TUBB8B: variants seen among roughly 807,000 people sequenced by gnomAD.
TUBB8B encodes the protein tubulin beta 8B, also known as HSA18p11 beta-tubulin 4Q pseudogene.
A neutral mutation model predicts 31.9 loss-of-function variants in TUBB8B; 26 were observed. The ratio of observed to expected loss-of-function variants is 0.81; its 90% CI spans 0.60 to 1.13. The LOEUF (loss-of-function observed/expected upper bound fraction) is 1.13, where lower values mean the gene tolerates loss of function less well. Ranked by LOEUF, TUBB8B falls within the 50% of genes most tolerant of loss-of-function variation. TUBB8B has a pLI of 0.00. For synonymous variants in TUBB8B, 173 were observed against 231.0 expected, an observed-to-expected ratio of 0.75 and a Z score of 2.28; for missense variants, 467 against 586.7, an observed-to-expected ratio of 0.80 and a Z score of 2.11.
the TUBB8B span, among the ~76,000 whole-genome samples, chr18:58,311 T>C: frequency 0.19 from 28,125 of 151,356 alleles, 3,260 homozygotes; most frequent in African/African-American, 0.29. Context: ...CAAGTAAAAA[T>C]AGATTACAAC....
At chr18:64,731 AG>A in the TUBB8B span, among the ~76,000 whole-genome samples, 1 of 152,138 alleles carries the variant, frequency 6.6e-6, no homozygotes, top group Admixed American at 6.6e-5. Flanking sequence ...TCTCAAGAAA[AG>A]GACTGATATT....
chr18:72,196 A>AAAAAAAAAAAAAAAAAAACAACAAC, the TUBB8B span, among the ~76,000 whole-genome samples: 2 of 84,544 alleles, frequency 2.4e-5, no homozygotes, highest in Middle Eastern at 6.6e-3. Context: ...AAAAAAAAAA[A>AAAAAAAAAAAAAAAAAAACAACAAC]AAAGGAAAAA....
the TUBB8B span, among the ~76,000 whole-genome samples, chr18:63,969 C>A: frequency 6.6e-6 from 1 of 151,170 alleles, no homozygotes; most frequent in East Asian, 2.0e-4. Flanking sequence ...ACCCCTAACC[C>A]TAACCCCAAC....
the TUBB8B span, among the ~76,000 whole-genome samples, chr18:57,809 T>C: frequency 5.3e-5 from 8 of 151,838 alleles, no homozygotes; most frequent in East Asian, 1.2e-3. Flanking sequence ...CTAGCTTTTT[T>C]ATACATTATT....
chr18:70,728 G>A, the TUBB8B span, among the ~76,000 whole-genome samples: 4 of 151,476 alleles, frequency 2.6e-5, no homozygotes, highest in African/African-American at 9.7e-5. Context: ...GAGGTGGGGG[G>A]ATCACCTGAG....
At chr18:63,713 CA>C in the TUBB8B span, among the ~76,000 whole-genome samples, 10 of 97,342 alleles carry the variant, frequency 1.0e-4, no homozygotes, top group South Asian at 4.6e-4. Context: ...CTAACCCTAA[CA>C]CTAACCCTAA....
In TUBB8B at chr18:48,987, T is replaced by G; in HGVS notation, c.230A>C (p.His77Pro). The change falls in exon 3 of 4, where the codon CAC becomes CCC. Residue 77 changes from histidine to proline, a missense_variant. Physicochemically the swap from His to Pro is moderately conservative, Grantham distance 77 (BLOSUM62 -2). Coordinates refer to ENST00000308911, the MANE Select transcript of TUBB8B (RefSeq NM_001358689.2). ...GAAGACCTGCCCGAAGGGCCCCGAGTGCACAGAGTCCATGGTGCCCGGCTC... is the reference window on the plus strand; with the variant it reads ...GAAGACCTGCCCGAAGGGCCCCGAGGGCACAGAGTCCATGGTGCCCGGCTC... ...DLEPGTMDSV[H>P]SGPFGQVFRP... 1 of 1,595,774 alleles carries G rather than the reference T, an allele frequency of 6.3e-7. No homozygotes were observed. Among genetic ancestry groups the G allele is most frequent in the Non-Finnish European group, 8.5e-7 (1 of 1,170,452 alleles).
chr18:59,637 G>A, the TUBB8B span, among the ~76,000 whole-genome samples: 27 of 148,486 alleles, frequency 1.8e-4, 1 homozygote, highest in South Asian at 8.5e-4. Flanking sequence ...TCTGCCTCCC[G>A]GGTTCAAGTG....
the TUBB8B span, among the ~76,000 whole-genome samples, chr18:64,041 TTA>T: frequency 2.9e-3 from 406 of 138,302 alleles, 1 homozygote; most frequent in African/African-American, 0.011. Context: ...ACCCTAACCC[TTA>T]ACCCTAAAAC....
intron 3 of TUBB8B, 27 bp downstream of exon 3, chr18:48,913 G>T (rs1258199995): frequency 1.4e-6 from 2 of 1,462,552 alleles, no homozygotes; most frequent in East Asian, 4.6e-5. Flanking sequence ...CTAAGGAGCC[G>T]CACCCCAGTC....
chr18:48,930 C>T lies in TUBB8B; in HGVS notation c.277+10G>A, dbSNP rs758296026. On this transcript the variant is annotated intron_variant, in intron 3 of 3. Transcript: ENST00000308911. ...AAGGAGCCGCACCCCAGTCCTCGCC[C>T]GCAGCTCACCGGAAATGAAGTTGTC... 12 of 1,548,704 alleles carry T rather than the reference C, an allele frequency of 7.7e-6. No individual in the cohort carries two copies. Among genetic ancestry groups the T allele is most frequent in the East Asian group, 4.5e-5 (2 of 44,338 alleles).
At chr18:64,225 T>G in the TUBB8B span, among the ~76,000 whole-genome samples, 2 of 152,124 alleles carry the variant, frequency 1.3e-5, no homozygotes, top group African/African-American at 4.8e-5. Context: ...AGAACAGGTG[T>G]GCATATTCAT....
the TUBB8B span, among the ~76,000 whole-genome samples, chr18:57,461 C>A: frequency 6.6e-6 from 1 of 151,834 alleles, no homozygotes; most frequent in Non-Finnish European, 1.5e-5. Flanking sequence ...TTATTTTTGA[C>A]TCTACGTCCC....
At chr18:58,240 TA>T in the TUBB8B span, among the ~76,000 whole-genome samples, 1 of 151,794 alleles carries the variant, frequency 6.6e-6, no homozygotes, top group African/African-American at 2.4e-5. Flanking sequence ...AAAAGCTTTT[TA>T]TTTTTCTGCC....
chr18:72,177 CAAAAAAAAAAAAA>C, the TUBB8B span, among the ~76,000 whole-genome samples: 1 of 78,728 alleles, frequency 1.3e-5, no homozygotes, highest in African/African-American at 3.5e-5. Flanking sequence ...GACTCCATCT[CAAAAAAAAAAAAA>C]AAAAAAAAAG....
Position 49,587 on chromosome 18 carries a change from A to G in TUBB8B, c.-30T>C. Reference sequence around the variant, plus strand: ...AAGGCAGGATTAGGGCGGCAGCAGAAGCGCGAGAAGGAGGAGCAGACGCGC... The same window carrying G: ...AAGGCAGGATTAGGGCGGCAGCAGAGGCGCGAGAAGGAGGAGCAGACGCGC... On this transcript the variant is annotated 5_prime_UTR_variant, in exon 1 of 4. Transcript: ENST00000308911. 1.3e-6 allele frequency: 1 copy of G among 781,648 alleles called. No homozygotes were observed. Among genetic ancestry groups the G allele is most frequent in the Non-Finnish European group, 2.2e-6 (1 of 462,884 alleles). 48.4% of individuals were successfully genotyped at this position (781,648 alleles called of 1,614,324 possible).
At position 48,160 on chromosome 18, in the gene TUBB8B, C is replaced by G. The variant is rs1187871987; in HGVS notation, c.565G>C (p.Val189Leu). 6.8e-6 allele frequency: 11 copies of G among 1,613,892 alleles called. No homozygotes were observed. The African/African-American group carries it at 1.5e-4, about 22-fold the overall frequency. ...VVEPYNATLS[V>L]HQLIENADET... ...TCCGCGTTTTCTATGAGCTGGTGGA[C>G]TGAGAGGGTGGCGTTGTAGGGCTCC... The change falls in exon 4 of 4, where the codon GTC becomes CTC. Residue 189 changes from valine to leucine, a missense_variant. By Grantham distance (32) the Val-to-Leu change is conservative. Around this residue, in one of 2 missense-constraint regions of TUBB8B, gnomAD observed 259 missense variants for 380.1 expected, o/e 0.68. Coordinates refer to ENST00000308911, the MANE Select transcript of TUBB8B (RefSeq NM_001358689.2).
the TUBB8B span, among the ~76,000 whole-genome samples, chr18:63,921 T>G: frequency 7.2e-6 from 1 of 138,604 alleles, no homozygotes; most frequent in African/African-American, 2.8e-5. Flanking sequence ...ACCCTAACCC[T>G]AGTCCTAGCC....
At chr18:59,911 G>A in the TUBB8B span, among the ~76,000 whole-genome samples, 1 of 151,522 alleles carries the variant, frequency 6.6e-6, no homozygotes, top group East Asian at 1.9e-4. Context: ...TGTATCTCTG[G>A]GATAAATTCC....
Sources: allele counts gnomAD v4.1 joint callset (sites outside exome capture counted in the v4.1 genomes callset), GRCh38; gene constraint gnomAD v4.1.1; regional missense constraint gnomAD v4.1.1; transcripts MANE v1.5; gene names NCBI Gene and HGNC (gene_info 2026-07-23, HGNC 2026-07-21).